The following UQCRC2 variants were observed in gnomAD, a reference collection of about 807,000 sequenced individuals.
UQCRC2 encodes the protein ubiquinol-cytochrome c reductase core protein 2.
A neutral mutation model predicts 55.6 loss-of-function variants in UQCRC2; 49 were observed. That is an observed-to-expected ratio of 0.88 (90% CI 0.70 to 1.12). The LOEUF is 1.12. Among genes scored for constraint, UQCRC2 ranks in the 50% most tolerant of loss-of-function variants. The pLI, the probability that UQCRC2 is intolerant of heterozygous loss-of-function variation, is 0.00. For synonymous variants in UQCRC2, 193 were observed against 192.0 expected (o/e 1.01, Z -0.04); for missense variants, 506 against 547.8 (o/e 0.92, Z 0.76).
intron 12 of UQCRC2, among the ~76,000 whole-genome samples, chr16:21,979,412 G>A (rs1008312658): frequency 1.3e-5 from 2 of 152,186 alleles, no homozygotes; most frequent in Non-Finnish European, 2.9e-5. Flanking sequence ...TTTCATCACT[G>A]TGTGAACCTC....
In UQCRC2 at chr16:21,981,125, C is replaced by G. The variant is rs567514407; in HGVS notation, c.1278+425C>G. Among the ~76,000 whole-genome samples, 7 of 152,238 alleles carry G rather than the reference C, an allele frequency of 4.6e-5. No individual in the cohort carries two copies. In the South Asian group the frequency reaches 1.2e-3, roughly 27 times the overall value. On this transcript the variant is annotated intron_variant, in intron 13 of 13. Coordinates refer to ENST00000268379, the MANE Select transcript of UQCRC2 (RefSeq NM_003366.4). ...CTAAATAGTGAAGTTTGCTATTTTT[C>G]CTCTTCAGTCCTAGCAATATTTCAC...
chr16:21,961,266 TA>T, intron 4 of UQCRC2: 1 of 417,176 alleles, frequency 2.4e-6, no homozygotes, highest in Non-Finnish European at 4.8e-6. Context: ...CCACAGTTTT[TA>T]ATCACATTCA....
chr16:21,975,310 A>T (rs1898555627), intron 11 of UQCRC2, among the ~76,000 whole-genome samples: 1 of 152,178 alleles, frequency 6.6e-6, no homozygotes, highest in Admixed American at 6.5e-5. Flanking sequence ...AGAGATCTTG[A>T]TAAAGTGGAA....
In UQCRC2 at chr16:21,957,472, T is replaced by C; in HGVS notation, c.173T>C (p.Val58Ala). Residue 58 changes from valine to alanine, a missense_variant, in exon 3 of 14, where the codon GTA (valine) becomes GCA (alanine). Coordinates refer to ENST00000268379, the MANE Select transcript of UQCRC2 (RefSeq NM_003366.4). ...GCTTCTTTGGAAAACTATTCTCCTG[T>C]ATCAAGAATTGGTTTGTTCATTAAA... ...VIASLENYSP[V>A]SRIGLFIKAG... The C allele has an allele frequency of 6.2e-7, 1 of 1,614,182 alleles. No individual in the cohort carries two copies. The highest frequency in any genetic ancestry group is 8.5e-7 in the Non-Finnish European group (1 of 1,180,022).
intron 4 of UQCRC2, among the ~76,000 whole-genome samples, chr16:21,959,175 G>A (rs1898144889): frequency 6.6e-6 from 1 of 152,122 alleles, no homozygotes; most frequent in African/African-American, 2.4e-5. Flanking sequence ...GAAGTTTGCT[G>A]CATTGATTGA....
In UQCRC2 at chr16:21,971,962, C is replaced by T; in HGVS notation, c.806C>T (p.Ala269Val). ...REQNGDSLVH[A>V]AFVAESAVAG... is the part of the protein sequence containing the mutation. ...CAGAATGGAGACAGTCTTGTCCATGCTGCTTTTGTAGCAGAAAGTGCTGTC... is the reference window on the plus strand; with the variant it reads ...CAGAATGGAGACAGTCTTGTCCATGTTGCTTTTGTAGCAGAAAGTGCTGTC... Residue 269 changes from alanine (A) to valine (V), a missense_variant, in exon 10 of 14, where the codon GCT becomes GTT. Coordinates refer to ENST00000268379, the MANE Select transcript of UQCRC2 (RefSeq NM_003366.4). The T allele has an allele frequency of 6.2e-7, 1 of 1,614,162 alleles. No homozygotes were observed. The highest frequency in any genetic ancestry group is 1.1e-5 in the South Asian group (1 of 91,076).
In UQCRC2 at chr16:21,976,241, CAAGT is replaced by C. The variant is rs1198217255; in HGVS notation, c.1124+3_1124+6del. On this transcript the variant is annotated splice_donor_variant and coding_sequence_variant, in exon 12 of 14. Transcript: ENST00000268379. LOFTEE classifies it high-confidence loss of function. ...TTTCCAACACAGATGTCCAAGCTGC[CAAGT>C]AAGTCTCAGTATTAACTGTGTTTTA... The C allele has an allele frequency of 1.2e-6, 2 of 1,611,684 alleles. No individual in the cohort carries two copies. The highest frequency in any genetic ancestry group is 1.7e-6 in the Non-Finnish European group (2 of 1,177,896).
intron 12 of UQCRC2, 181 bp from the exon 13 acceptor site, chr16:21,980,366 C>G: frequency 1.5e-6 from 1 of 662,592 alleles, no homozygotes; most frequent in Non-Finnish European, 2.5e-6. Context: ...TTCAGACTTA[C>G]TGTTTTAGTA....
chr16:21,981,637 C>T (rs1898731547), intron 13 of UQCRC2, among the ~76,000 whole-genome samples: 1 of 151,744 alleles, frequency 6.6e-6, no homozygotes, highest in Non-Finnish European at 1.5e-5. Context: ...CGCCTGTAGT[C>T]CCAGCTACTC....
intron 7 of UQCRC2, 68 bp from the exon 8 acceptor site, chr16:21,968,560 C>A: frequency 7.0e-7 from 1 of 1,432,422 alleles, no homozygotes; most frequent in South Asian, 1.3e-5. Context: ...CCAAACTGTA[C>A]TTTTATGTTT....
intron 8 of UQCRC2, among the ~76,000 whole-genome samples, chr16:21,970,924 TTAAG>T (rs1898444175): frequency 2.0e-5 from 3 of 152,162 alleles, no homozygotes; most frequent in Non-Finnish European, 4.4e-5. Flanking sequence ...TTGCCCATTT[TTAAG>T]TTTTTTTTTT....
Position 21,983,275 on chromosome 16 carries a change from G to T in UQCRC2, c.*104G>T. 3 of 1,049,346 alleles carry T rather than the reference G, an allele frequency of 2.9e-6. No individual in the cohort carries two copies. The highest frequency in any genetic ancestry group is 4.2e-6 in the Non-Finnish European group (3 of 720,218). The allele number at this position is 1,049,346 out of a possible 1,614,324, so 65.0% of individuals were successfully genotyped here. On this transcript the variant is annotated 3_prime_UTR_variant, in exon 14 of 14. Coordinates refer to ENST00000268379, the MANE Select transcript of UQCRC2 (RefSeq NM_003366.4). The stretch of plus-strand genomic sequence containing the variant: ...TAATATATCATTTGTCTTTTTTCCA[G>T]TGAGGTAAAATAAGGCATAAATGCA...
At chr16:21,982,993 A>T in intron 13 of UQCRC2, 95 bp from the exon 14 acceptor site, 7 of 950,270 alleles carry the variant, frequency 7.4e-6, no homozygotes, top group Non-Finnish European at 1.1e-5. Flanking sequence ...AGAATGTCCT[A>T]TCCATAAATT....
At chr16:21,961,670 T>TATATATATATA (rs1567470647) in intron 4 of UQCRC2, among the ~76,000 whole-genome samples, 37 of 48,744 alleles carry the variant, frequency 7.6e-4, no homozygotes, top group Non-Finnish European at 1.9e-3. Flanking sequence ...ATATATATAT[T>TATATATATATA]TTAGACAGTC....
In UQCRC2 at chr16:21,983,190, A is replaced by G. The variant is rs924121218; in HGVS notation, c.*19A>G. ...GTTGTAATACTGATGCACACATTAC[A>G]GGAGAGAGCTGAACGTTCTCTCAGC... On this transcript the variant is annotated 3_prime_UTR_variant, in exon 14 of 14. Coordinates refer to ENST00000268379, the MANE Select transcript of UQCRC2 (RefSeq NM_003366.4). The G allele has an allele frequency of 6.2e-7, 1 of 1,607,998 alleles. No individual in the cohort carries two copies. The highest frequency in any genetic ancestry group is 8.5e-7 in the Non-Finnish European group (1 of 1,175,288).
Position 21,968,647 on chromosome 16 carries a change from A to T in UQCRC2, c.632A>T (p.Asn211Ile). The T allele has an allele frequency of 6.2e-7, 1 of 1,609,228 alleles. No individual in the cohort carries two copies. The highest frequency in any genetic ancestry group is 8.5e-7 in the Non-Finnish European group (1 of 1,177,638). The stretch of plus-strand genomic sequence containing the variant: ...CCTCAGTTACATTACTTCGTTCAGA[A>T]CCATTTCACAAGTGCAAGAATGGCT... The part of the protein sequence containing the change: ...TSEELHYFVQ[N>I]HFTSARMALI... The change falls in exon 8 of 14, where the codon AAC becomes ATC. Residue 211 changes from asparagine to isoleucine, a missense_variant. Asn to Ile is a moderately radical substitution (Grantham distance 149). Coordinates refer to ENST00000268379, the MANE Select transcript of UQCRC2 (RefSeq NM_003366.4).
At chr16:21,962,323 G>A (rs1898223857) in intron 4 of UQCRC2, 137 bp from the exon 5 acceptor site, 1 of 983,084 alleles carries the variant, frequency 1.0e-6, no homozygotes, top group African/African-American at 1.6e-5. Context: ...TTAATATGTG[G>A]AGTTTTGTTA....
intron 12 of UQCRC2, among the ~76,000 whole-genome samples, chr16:21,978,569 C>A (rs764373323): frequency 3.9e-5 from 6 of 152,178 alleles, no homozygotes; most frequent in Non-Finnish European, 7.3e-5. Flanking sequence ...CAGCAAGAGG[C>A]AGGAGTTGCT....
chr16:21,976,181 C>T lies in UQCRC2; in HGVS notation c.1062C>T (p.Ala354=), dbSNP rs776265331. The change falls in exon 12 of 14, where the codon GCC becomes GCT. Residue 354 remains alanine (A), a synonymous_variant. Transcript: ENST00000268379. ...ATCTGTCCTAGGTTATCAAGGCTGC[C>T]TATAATCAAGTAAAAACAATAGCTC... ...ATAAGDVIKA[A]YNQVKTIAQG... 1.2e-6 allele frequency: 2 copies of T among 1,613,952 alleles called. No homozygotes were observed. Among genetic ancestry groups the T allele is most frequent in the Non-Finnish European group, 1.7e-6 (2 of 1,179,874 alleles).
Sources: allele counts gnomAD v4.1 joint callset (sites outside exome capture counted in the v4.1 genomes callset), GRCh38; gene constraint gnomAD v4.1.1; transcripts MANE v1.5; gene names NCBI Gene and HGNC (gene_info 2026-07-23, HGNC 2026-07-21).